The following IQSEC1 variants were observed in gnomAD, a reference collection of about 807,000 sequenced individuals.
IQSEC1 encodes the protein IQ motif and Sec7 domain ArfGEF 1.
A neutral mutation model predicts 91.0 loss-of-function variants in IQSEC1; 31 were observed. The observed-to-expected ratio is 0.34, with a 90% CI of 0.26 to 0.46. The LOEUF is 0.46. Ranked by LOEUF, IQSEC1 falls within the 20% of genes least tolerant of loss-of-function variation. The pLI, the probability that IQSEC1 is intolerant of heterozygous loss-of-function variation, is 1.00. For synonymous variants in IQSEC1, 699 were observed against 662.6 expected (o/e 1.05, Z -0.84); for missense variants, 1,388 against 1,575.6 (o/e 0.88, Z 2.02).
intron 1 of IQSEC1, among the ~76,000 whole-genome samples, chr3:13,264,056 G>A (rs1489765756): frequency 1.3e-5 from 2 of 152,232 alleles, no homozygotes; most frequent in African/African-American, 4.8e-5. Flanking sequence ...TTGCTGGAGT[G>A]GATATAAATA....
intron 1 of IQSEC1, among the ~76,000 whole-genome samples, chr3:12,964,477 G>C (rs1487698663): frequency 2.0e-4 from 30 of 152,220 alleles, no homozygotes; most frequent in Non-Finnish European, 4.4e-4. Flanking sequence ...AGAAAATCCA[G>C]CGGGTCATTG....
At chr3:13,042,005 C>T (rs938682060) in intron 1 of IQSEC1, among the ~76,000 whole-genome samples, 1 of 152,230 alleles carries the variant, frequency 6.6e-6, no homozygotes, top group Admixed American at 6.5e-5. Flanking sequence ...TAGGGCTCAC[C>T]CCGGCAGCAA....
intron 1 of IQSEC1, among the ~76,000 whole-genome samples, chr3:13,165,962 C>A (rs1220781158): frequency 6.6e-6 from 1 of 152,190 alleles, no homozygotes; most frequent in African/African-American, 2.4e-5. Flanking sequence ...GCAATGACAC[C>A]ACAGGCTTAT....
At chr3:13,099,285 G>C (rs1261183056) in intron 2 of IQSEC1, among the ~76,000 whole-genome samples, 1 of 152,238 alleles carries the variant, frequency 6.6e-6, no homozygotes, top group Non-Finnish European at 1.5e-5. Context: ...TCCACTAGGG[G>C]CACCAGAATA....
At chr3:13,209,064 C>T (rs149429109) in intron 1 of IQSEC1, among the ~76,000 whole-genome samples, 176 of 152,330 alleles carry the variant, frequency 1.2e-3, no homozygotes, top group African/African-American at 3.8e-3. Context: ...GCCTGGACTG[C>T]GGTGCCACTT....
At chr3:13,133,281 G>A (rs925139216) in intron 2 of IQSEC1, among the ~76,000 whole-genome samples, 10 of 152,256 alleles carry the variant, frequency 6.6e-5, no homozygotes. Flanking sequence ...CTGGAAGGGT[G>A]CAAGCAGGTG....
rs1575923864 is a variant in IQSEC1 at position 12,924,489 on chromosome 3, T to C, written c.1730+92A>G. ...CCACCACATGTCCCAGCAAGTAGGG[T>C]GGGCCTGGCCCTGTGTGTGCCCACG... On this transcript the variant is annotated intron_variant, in intron 4 of 13. Coordinates refer to ENST00000613206, the MANE Select transcript of IQSEC1 (RefSeq NM_001134382.3). This position sits in a 1 kb window ranked among gnomAD's most constrained non-coding sequence, Gnocchi z 6.3. 1.5e-6 allele frequency: 2 copies of C among 1,317,090 alleles called. No homozygotes were observed. The highest frequency in any genetic ancestry group is 2.1e-6 in the Non-Finnish European group (2 of 972,152). The allele number at this position is 1,317,090 out of a possible 1,614,324, so 81.6% of individuals were successfully genotyped here. A position where few individuals can be genotyped will look rare whatever the true frequency, so the allele number is the denominator to read the frequency against.
At chr3:13,053,001 CT>C in intron 1 of IQSEC1, 1 of 1,203,490 alleles carries the variant, frequency 8.3e-7, no homozygotes, top group Non-Finnish European at 1.2e-6. Context: ...CCAATGTCTC[CT>C]TTTGGAGTTG....
chr3:12,935,245 T>A lies in IQSEC1; in HGVS notation c.1568+203A>T, dbSNP rs562985961. ...CCTGCTCAGCCTGTGTGTGTTGCCA[T>A]CCCCACCAGCAGTCCCAGGAGGGGC... On this transcript the variant is annotated intron_variant, in intron 3 of 13. Transcript: ENST00000613206. This position sits in a 1 kb window ranked among gnomAD's most constrained non-coding sequence, Gnocchi z 8.0. Among the ~76,000 whole-genome samples, 223 of 152,288 alleles carry A rather than the reference T, an allele frequency of 1.5e-3. No individual in the cohort carries two copies. Among genetic ancestry groups the A allele is most frequent in the Non-Finnish European group, 2.4e-3 (163 of 68,002 alleles).
In IQSEC1 at chr3:13,028,924, C is replaced by A. The variant is rs144009564; in HGVS notation, c.23+44068G>T. ...AGAAGTCCTGATTCTGAGACCTGCG[C>A]TGGCCAAGGGATCCTCACAAGCCGT... On this transcript the variant is annotated intron_variant, in intron 1 of 13. Coordinates refer to ENST00000613206, the MANE Select transcript of IQSEC1 (RefSeq NM_001134382.3). Among the ~76,000 whole-genome samples, 1,187 of 152,308 alleles carry A rather than the reference C, an allele frequency of 7.8e-3. 8 individuals are homozygous for A. Among genetic ancestry groups the A allele is most frequent in the African/African-American group, 0.027 (1,124 of 41,552 alleles).
At chr3:12,973,147 G>A (rs1047925767) in intron 1 of IQSEC1, among the ~76,000 whole-genome samples, 2 of 152,152 alleles carry the variant, frequency 1.3e-5, no homozygotes, top group Non-Finnish European at 2.9e-5. Context: ...CTTCTGGCCC[G>A]GGTTTCCTAC....
chr3:12,927,298 C>T (rs1697229281), intron 3 of IQSEC1, among the ~76,000 whole-genome samples: 1 of 152,220 alleles, frequency 6.6e-6, no homozygotes, highest in African/African-American at 2.4e-5. Context: ...AAAATCAGAC[C>T]TTCTGGCGTC....
chr3:13,248,233 G>A (rs891132763), intron 1 of IQSEC1, among the ~76,000 whole-genome samples: 1 of 152,180 alleles, frequency 6.6e-6, no homozygotes, highest in African/African-American at 2.4e-5. Context: ...CAGCATCTAC[G>A]TGGGTTCAGG....
intron 1 of IQSEC1, among the ~76,000 whole-genome samples, chr3:13,196,071 C>T (rs1433311683): frequency 6.6e-6 from 1 of 152,172 alleles, no homozygotes; most frequent in African/African-American, 2.4e-5. Context: ...ATACAGCTCC[C>T]ATCTGGTGCT....
intron 1 of IQSEC1, among the ~76,000 whole-genome samples, chr3:12,942,252 A>G (rs1264367280): frequency 1.3e-5 from 2 of 152,234 alleles, no homozygotes; most frequent in African/African-American, 2.4e-5. Flanking sequence ...TTACTGACTC[A>G]GCGAATTCTG....
At chr3:13,071,589 G>A (rs1705429177) in intron 1 of IQSEC1, among the ~76,000 whole-genome samples, 2 of 152,220 alleles carry the variant, frequency 1.3e-5, no homozygotes, top group African/African-American at 4.8e-5. Context: ...TTCAGAAAAT[G>A]CAGCGAGGGC....
chr3:13,156,128 A>T (rs1707082577), intron 2 of IQSEC1, among the ~76,000 whole-genome samples: 1 of 151,646 alleles, frequency 6.6e-6, no homozygotes, highest in Non-Finnish European at 1.5e-5. Context: ...GCTACTCAGG[A>T]GGCTGAGGCA....
Position 13,214,317 on chromosome 3 carries a change from C to A in IQSEC1, c.273-50184G>T, listed in dbSNP as rs892170734. On this transcript the variant is annotated intron_variant, in intron 1 of 15. Coordinates refer to the IQSEC1 transcript ENST00000648114. The surrounding 1 kb of genome is among the most constrained non-coding windows in gnomAD (Gnocchi z 4.5). ...CTTCTGCAGAGGACCCGGAACACCA[C>A]ATCTGCTGCTCCCAACACCCTTGTC... Among the ~76,000 whole-genome samples, 26 of 152,244 alleles carry A rather than the reference C, an allele frequency of 1.7e-4. No individual in the cohort carries two copies. Among genetic ancestry groups the A allele is most frequent in the African/African-American group, 6.0e-4 (25 of 41,466 alleles).
chr3:13,089,113 C>T (rs1386909849), intron 2 of IQSEC1, among the ~76,000 whole-genome samples: 1 of 152,242 alleles, frequency 6.6e-6, no homozygotes, highest in African/African-American at 2.4e-5. Context: ...GCCAGGAGGC[C>T]CCCTTGGGCC....
Sources: gnomAD v4.1 joint callset for allele counts (sites outside exome capture counted in the v4.1 genomes callset) on GRCh38, gnomAD v4.1.1 for gene constraint, Gnocchi (gnomAD v3.1) non-coding constraint, MANE v1.5 for transcripts, NCBI Gene and HGNC (gene_info 2026-07-23, HGNC 2026-07-21) for gene names.